Variants in NTM observed in about 807,000 individuals in gnomAD.
NTM encodes IgLON family member 2.
NTM carries 13 observed loss-of-function variants against 42.1 expected under a neutral mutation model. That is an observed-to-expected ratio of 0.31 (90% CI 0.20 to 0.49). The LOEUF is 0.49. NTM is among the 20% of genes least tolerant of loss of function. The pLI is 0.99. For synonymous variants in NTM, 187 were observed against 179.2 expected (o/e 1.04, Z -0.35); for missense variants, 373 against 452.8 (o/e 0.82, Z 1.60).
At chr11:131,859,388 C>T (rs1416220163) in intron 1 of NTM, among the ~76,000 whole-genome samples, 4 of 152,126 alleles carry the variant, frequency 2.6e-5, no homozygotes, top group East Asian at 1.9e-4. Flanking sequence ...TTGACTTTCC[C>T]GTATGTGCTA....
intron 3 of NTM, among the ~76,000 whole-genome samples, chr11:132,162,451 G>C (rs2074497610): frequency 6.8e-6 from 1 of 148,148 alleles, no homozygotes; most frequent in South Asian, 2.2e-4. Flanking sequence ...GAGCATGTGT[G>C]TGAGTGCTTG....
chr11:131,573,332 A>T (rs1406987614), intron 1 of NTM, among the ~76,000 whole-genome samples: 3 of 152,190 alleles, frequency 2.0e-5, no homozygotes, highest in African/African-American at 7.2e-5. Context: ...TCTGTTTTTC[A>T]ATACTGTAGA....
chr11:131,926,515 C>T (rs147574240), intron 2 of NTM, among the ~76,000 whole-genome samples: 14 of 151,842 alleles, frequency 9.2e-5, no homozygotes, highest in Non-Finnish European at 1.3e-4. Context: ...TAGTCAAAGA[C>T]GAGCAAGGCA....
At chr11:131,911,359 C>T (rs1183137114) in intron 1 of NTM, 8 of 1,531,538 alleles carry the variant, frequency 5.2e-6, no homozygotes, top group South Asian at 3.8e-5. Context: ...CCGCGCCTCC[C>T]GGTCGCCGCG....
chr11:132,329,295 T>G (rs2095752842), intron 7 of NTM, among the ~76,000 whole-genome samples: 1 of 152,204 alleles, frequency 6.6e-6, no homozygotes, highest in Non-Finnish European at 1.5e-5. Context: ...AGTAAAAGAT[T>G]AGAGATCATT....
chr11:132,250,204 C>G (rs979311498), intron 4 of NTM, among the ~76,000 whole-genome samples: 1 of 152,222 alleles, frequency 6.6e-6, no homozygotes, highest in Non-Finnish European at 1.5e-5. Context: ...ATTTGGCTCT[C>G]AGTTCTGCTG....
intron 1 of NTM, among the ~76,000 whole-genome samples, chr11:131,550,725 A>G (rs878969859): frequency 6.6e-6 from 1 of 152,122 alleles, no homozygotes; most frequent in Admixed American, 6.5e-5. Context: ...ACACCTAGCT[A>G]TTCCAGAGGC....
At chr11:131,882,642 G>A (rs1293677992) in intron 1 of NTM, among the ~76,000 whole-genome samples, 2 of 152,140 alleles carry the variant, frequency 1.3e-5, no homozygotes, top group Non-Finnish European at 2.9e-5. Flanking sequence ...GTGGGGTTTG[G>A]ACTGAGCCTT....
intron 2 of NTM, among the ~76,000 whole-genome samples, chr11:132,038,377 T>C (rs2135740844): frequency 6.6e-6 from 1 of 152,170 alleles, no homozygotes; most frequent in African/African-American, 2.4e-5. Context: ...TTCACGGGTG[T>C]GATTGAGGAC....
At chr11:131,598,646 A>G in intron 1 of NTM, among the ~76,000 whole-genome samples, 1 of 151,906 alleles carries the variant, frequency 6.6e-6, no homozygotes, top group Non-Finnish European at 1.5e-5. Flanking sequence ...CACCAGCACT[A>G]CAGCAGCAAA....
rs566077177 is a variant in NTM, at chr11:131,700,458, G to GA, written c.83-211105dup. 2.5e-3 allele frequency among the ~76,000 whole-genome samples: 377 copies of GA among 152,226 alleles called. 4 individuals are homozygous for GA. Among genetic ancestry groups the GA allele is most frequent in the African/African-American group, 8.6e-3 (358 of 41,538 alleles). On this transcript the variant is annotated intron_variant, in intron 1 of 8. Transcript: ENST00000683400. The stretch of plus-strand genomic sequence containing the variant: ...CTGTTCATTCTATATCTCTCGCCAA[G>GA]ACCTGTCTTCTTAGCTCCACTTGAC...
At chr11:131,715,242 A>G (rs572709183) in intron 1 of NTM, among the ~76,000 whole-genome samples, 14 of 152,368 alleles carry the variant, frequency 9.2e-5, no homozygotes, top group African/African-American at 3.1e-4. Context: ...AGAAGGAGCT[A>G]CAGAATTACT....
At chr11:131,605,738 G>C (rs2060893428) in intron 1 of NTM, 5 of 953,566 alleles carry the variant, frequency 5.2e-6, no homozygotes, top group Non-Finnish European at 3.7e-6. Context: ...TTGAGTGTTT[G>C]TATCATTTAA....
chr11:131,613,749 C>T lies in NTM; in HGVS notation c.82+242861C>T, dbSNP rs921808511. Among the ~76,000 whole-genome samples, 6 of 152,172 alleles carry T rather than the reference C, an allele frequency of 3.9e-5. No homozygotes were observed. In the South Asian group the frequency reaches 6.2e-4, roughly 16 times the overall value. ...CGGTTCACAGGAGACGTGGAGACTC[C>T]GAGAAGTTAAGTCACTAGCCCAAAG... On this transcript the variant is annotated intron_variant, in intron 1 of 8. Coordinates refer to ENST00000683400, the MANE Select transcript of NTM (RefSeq NM_001352005.2).
intron 1 of NTM, among the ~76,000 whole-genome samples, chr11:131,698,476 T>C (rs2075720740): frequency 6.6e-6 from 1 of 152,140 alleles, no homozygotes; most frequent in Non-Finnish European, 1.5e-5. Flanking sequence ...ATGCCTCATT[T>C]CACCCGCATA....
At chr11:131,481,346 T>C (rs980383482) in intron 1 of NTM, among the ~76,000 whole-genome samples, 3 of 152,204 alleles carry the variant, frequency 2.0e-5, no homozygotes, top group African/African-American at 7.2e-5. Context: ...AATTACATGA[T>C]TTGTGTCTCT....
Position 132,000,578 on chromosome 11 carries a change from G to A in NTM, c.167+88930G>A, listed in dbSNP as rs151105273. Among the ~76,000 whole-genome samples the A allele has an allele frequency of 1.4e-4, 22 of 152,188 alleles. No individual in the cohort carries two copies. The East Asian group carries it at 4.3e-3, about 29-fold the overall frequency. On this transcript the variant is annotated intron_variant, in intron 2 of 8. Coordinates refer to ENST00000683400, the MANE Select transcript of NTM (RefSeq NM_001352005.2). Reference sequence around the variant, plus strand: ...ATGTGCCCCTCTATCCCATTGTGTGGCATGATTTTATCTCACTCTGTTCTG... The same window carrying A: ...ATGTGCCCCTCTATCCCATTGTGTGACATGATTTTATCTCACTCTGTTCTG...
intron 1 of NTM, among the ~76,000 whole-genome samples, chr11:131,880,278 C>T (rs901582927): frequency 2.0e-5 from 3 of 152,206 alleles, no homozygotes; most frequent in Admixed American, 6.5e-5. Flanking sequence ...CTGGTGCTGG[C>T]TCTGGCAGCA....
intron 1 of NTM, among the ~76,000 whole-genome samples, chr11:131,761,030 T>G (rs545827388): frequency 4.0e-5 from 6 of 149,888 alleles, no homozygotes; most frequent in Non-Finnish European, 7.4e-5. Flanking sequence ...ACCACCGGGA[T>G]GGAGGGACTC....
Sources: allele counts gnomAD v4.1 joint callset (sites outside exome capture counted in the v4.1 genomes callset), GRCh38; gene constraint gnomAD v4.1.1; transcripts MANE v1.5; gene names NCBI Gene and HGNC (gene_info 2026-07-23, HGNC 2026-07-21).